ANK3: variants seen among roughly 807,000 people sequenced by gnomAD.
The protein encoded by ANK3 is ankyrin-3.
Under a neutral mutation model 370.9 loss-of-function variants are expected in ANK3, and 57 were observed. The observed-to-expected ratio is 0.15, with a 90% CI of 0.12 to 0.19. The LOEUF (loss-of-function observed/expected upper bound fraction) is 0.19, where lower values mean the gene tolerates loss of function less well. Ranked by LOEUF, ANK3 falls within the 10% of genes least tolerant of loss-of-function variation. The pLI, the probability that ANK3 is intolerant of heterozygous loss-of-function variation, is 1.00. For missense variants in ANK3, 4,439 were observed against 5,302.1 expected (o/e 0.84, Z 5.06); for synonymous variants, 1,929 against 1,946.3 (o/e 0.99, Z 0.23).
At chr10:60,210,785 A>C (rs76419541) in intron 9 of ANK3, among the ~76,000 whole-genome samples, 5,886 of 152,296 alleles carry the variant, frequency 0.039, 355 homozygotes, top group African/African-American at 0.13. Flanking sequence ...AGAGGATTTG[A>C]GTGTGGTAAT....
intron 7 of ANK3, among the ~76,000 whole-genome samples, chr10:60,258,469 C>T (rs1330761575): frequency 6.6e-6 from 1 of 152,160 alleles, no homozygotes; most frequent in African/African-American, 2.4e-5. Context: ...AAATCAGTTA[C>T]CGGAACTGCT....
At chr10:60,060,781 G>GA (rs2080275804) in intron 40 of ANK3, 1 of 152,114 alleles carries the variant, frequency 6.6e-6, no homozygotes, top group Non-Finnish European at 1.5e-5. Context: ...TCAGAACCAC[G>GA]AATCAAATAA....
intron 2 of ANK3, among the ~76,000 whole-genome samples, chr10:60,558,354 T>C (rs899188969): frequency 6.6e-6 from 1 of 152,204 alleles, no homozygotes; most frequent in Non-Finnish European, 1.5e-5. Flanking sequence ...CAACTTGAAG[T>C]AGGTGCTAGG....
intron 7 of ANK3, among the ~76,000 whole-genome samples, chr10:60,247,729 G>A (rs1334278251): frequency 7.9e-5 from 12 of 152,016 alleles, no homozygotes; most frequent in Admixed American, 5.9e-4. Flanking sequence ...ATGCAGTGGC[G>A]CGATCTTGGC....
At chr10:60,624,590 C>A (rs1437092078) in intron 1 of ANK3, among the ~76,000 whole-genome samples, 1 of 152,074 alleles carries the variant, frequency 6.6e-6, no homozygotes, top group Non-Finnish European at 1.5e-5. Flanking sequence ...AGTTATTAAA[C>A]CTGAGGGTCG....
intron 2 of ANK3, among the ~76,000 whole-genome samples, chr10:60,412,401 A>G (rs1021829180): frequency 6.6e-6 from 1 of 152,134 alleles, no homozygotes; most frequent in African/African-American, 2.4e-5. Flanking sequence ...AGACCTTCAG[A>G]TCCACATTGG....
intron 1 of ANK3, among the ~76,000 whole-genome samples, chr10:60,623,836 C>T (rs1482752680): frequency 1.3e-5 from 2 of 152,124 alleles, no homozygotes; most frequent in African/African-American, 2.4e-5. Flanking sequence ...GGGCTATAGG[C>T]CACCTCTCAG....
At chr10:60,086,604 C>T in intron 30 of ANK3, 73 bp downstream of exon 30, 1 of 1,323,862 alleles carries the variant, frequency 7.6e-7, no homozygotes, top group Non-Finnish European at 1.0e-6. Flanking sequence ...GGTTTTATAT[C>T]TTTGTACACA....
At position 60,501,471 on chromosome 10, in the gene ANK3, G is replaced by T. The variant is rs375254409; in HGVS notation, c.96+113715C>A. On this transcript the variant is annotated intron_variant, in intron 2 of 43. Coordinates refer to the ANK3 transcript ENST00000373827. ...TGTAATCTCAGCATTTTAGGAGGCC[G>T]AGGCAGGCAGATCACTTGAGGCCAG... 3.3e-5 allele frequency among the ~76,000 whole-genome samples: 5 copies of T among 152,232 alleles called. 1 individual carries two copies. The highest frequency in any genetic ancestry group is 1.2e-4 in the African/African-American group (5 of 41,560).
chr10:60,114,482 T>G (rs750150007), intron 25 of ANK3, 151 bp from the exon 26 acceptor site: 12 of 426,104 alleles, frequency 2.8e-5, no homozygotes, highest in Non-Finnish European at 5.0e-5. Context: ...AGAAATACAT[T>G]GAAATCTGAG....
intron 2 of ANK3, among the ~76,000 whole-genome samples, chr10:60,596,666 C>T (rs1173130165): frequency 6.6e-6 from 1 of 151,998 alleles, no homozygotes; most frequent in East Asian, 1.9e-4. Context: ...ATCCAATATA[C>T]AAAAGTACAT....
chr10:60,716,407 A>G (rs1646460619), intron 1 of ANK3, among the ~76,000 whole-genome samples: 1 of 152,202 alleles, frequency 6.6e-6, no homozygotes, highest in Admixed American at 6.5e-5. Flanking sequence ...TTTCAAAGAC[A>G]GTAGGGACAA....
intron 40 of ANK3, chr10:60,059,778 T>A: frequency 6.2e-7 from 1 of 1,614,206 alleles, no homozygotes; most frequent in Non-Finnish European, 8.5e-7. Flanking sequence ...GTCTTCCAGT[T>A]TGCTGTCTTC....
At chr10:60,294,921 A>T (rs2042186573) in intron 1 of ANK3, among the ~76,000 whole-genome samples, 1 of 152,208 alleles carries the variant, frequency 6.6e-6, no homozygotes, top group African/African-American at 2.4e-5. Flanking sequence ...TGTAGTAAAG[A>T]AAATAAGGAA....
At position 60,530,463 on chromosome 10, in the gene ANK3, A is replaced by AC. The variant is rs1555387642; in HGVS notation, c.96+84722_96+84723insG. ...TCTGTTAATCTTCACCAAAAAAAAA[A>AC]AAACCCTATGATATAGGTACAAATT... On this transcript the variant is annotated intron_variant, in intron 2 of 43. Transcript: ENST00000373827. Among the ~76,000 whole-genome samples the AC allele has an allele frequency of 2.9e-3, 442 of 151,936 alleles. 17 individuals carry two copies. In the East Asian group the frequency reaches 0.063, roughly 22 times the overall value.
intron 31 of ANK3, 71 bp downstream of exon 31, chr10:60,085,086 A>G: frequency 7.7e-7 from 1 of 1,307,138 alleles, no homozygotes; most frequent in East Asian, 2.4e-5. Flanking sequence ...ATTGAACACA[A>G]CAATTTTTAC....
chr10:60,424,166 A>T (rs570872267), intron 2 of ANK3, among the ~76,000 whole-genome samples: 1 of 152,070 alleles, frequency 6.6e-6, no homozygotes, highest in Non-Finnish European at 1.5e-5. Context: ...ACTTAGGGTG[A>T]CCACACATCC....
chr10:60,706,070 C>T lies in ANK3; in HGVS notation c.57+27193G>A, dbSNP rs149266970. Among the ~76,000 whole-genome samples, 509 of 152,156 alleles carry T rather than the reference C, an allele frequency of 3.3e-3. 3 individuals are homozygous for T. The highest frequency in any genetic ancestry group is 0.012 in the African/African-American group (481 of 41,510). ...AACTCCTGGGCTCAAGCAATCAGCT[C>T]GCCTTGGTGTCCCAACGTGTTGGCA... On this transcript the variant is annotated intron_variant, in intron 1 of 43. Transcript: ENST00000373827.
chr10:60,657,077 T>A (rs1032903242), intron 1 of ANK3, among the ~76,000 whole-genome samples: 2 of 152,190 alleles, frequency 1.3e-5, no homozygotes, highest in African/African-American at 4.8e-5. Flanking sequence ...CTCACAATCA[T>A]GGCAGAGAGC....
Sources: gnomAD v4.1 joint callset for allele counts (sites outside exome capture counted in the v4.1 genomes callset) on GRCh38, gnomAD v4.1.1 for gene constraint, MANE v1.5 for transcripts, NCBI Gene and HGNC (gene_info 2026-07-23, HGNC 2026-07-21) for gene names.